The following STK3 variants were observed in gnomAD, a reference collection of about 807,000 sequenced individuals.
STK3 encodes serine/threonine kinase 3, also known as serine/threonine-protein kinase 3.
In STK3, 41 loss-of-function variants were observed where a neutral mutation model predicts 58.0. The ratio of observed to expected loss-of-function variants is 0.71; its 90% confidence interval spans 0.55 to 0.92. STK3 has a LOEUF of 0.92. Among genes scored for constraint, STK3 ranks in the 40% least tolerant of loss-of-function variants. The pLI is 0.00. For synonymous variants in STK3, 170 were observed against 191.0 expected, an observed-to-expected ratio of 0.89 and a Z score of 0.91; for missense variants, 479 against 602.7, an observed-to-expected ratio of 0.79 and a Z score of 2.15.
intron 6 of STK3, among the ~76,000 whole-genome samples, chr8:98,674,478 A>G (rs549533869): frequency 6.6e-6 from 1 of 152,312 alleles, no homozygotes; most frequent in Non-Finnish European, 1.5e-5. Flanking sequence ...AGACAAAATC[A>G]TAGGGCTAGA....
At chr8:98,590,923 CATAA>C (rs1355193221) in intron 7 of STK3, among the ~76,000 whole-genome samples, 1 of 152,152 alleles carries the variant, frequency 6.6e-6, no homozygotes, top group Non-Finnish European at 1.5e-5. Context: ...AATATTCTAT[CATAA>C]ATGTTTTACA....
intron 9 of STK3, among the ~76,000 whole-genome samples, chr8:98,540,628 G>A (rs570797923): frequency 2.0e-5 from 3 of 152,192 alleles, no homozygotes; most frequent in Admixed American, 2.0e-4. Flanking sequence ...GAAATCTTCC[G>A]GTAAACAATT....
intron 8 of STK3, among the ~76,000 whole-genome samples, chr8:98,565,379 A>C (rs1047889938): frequency 6.6e-6 from 1 of 152,180 alleles, no homozygotes; most frequent in South Asian, 2.1e-4. Flanking sequence ...AATCCCAAAG[A>C]ATCATGTTTC....
intron 1 of STK3, among the ~76,000 whole-genome samples, chr8:98,931,451 C>T (rs1026272353): frequency 6.6e-6 from 1 of 152,158 alleles, no homozygotes; most frequent in Non-Finnish European, 1.5e-5. Context: ...CCCGACCCGG[C>T]CTGCGCCAGC....
chr8:98,748,916 G>A (rs558601913), intron 4 of STK3, among the ~76,000 whole-genome samples: 5 of 151,236 alleles, frequency 3.3e-5, no homozygotes, highest in South Asian at 2.1e-4. Flanking sequence ...TTTAAGATAC[G>A]TAAATACCAT....
intron 10 of STK3, among the ~76,000 whole-genome samples, chr8:98,479,417 G>A (rs1821646757): frequency 6.7e-6 from 1 of 149,146 alleles, no homozygotes; most frequent in African/African-American, 2.5e-5. Context: ...AGTCCGGGAG[G>A]TGGAGGTTGC....
chr8:98,830,696 C>T (rs1333425768), intron 3 of STK3, among the ~76,000 whole-genome samples: 2 of 152,120 alleles, frequency 1.3e-5, no homozygotes, highest in Admixed American at 6.5e-5. Context: ...ATCGGCCAGG[C>T]GCGGTGGCTC....
intron 3 of STK3, among the ~76,000 whole-genome samples, chr8:98,759,023 A>G (rs561459543): frequency 6.6e-6 from 1 of 152,322 alleles, no homozygotes; most frequent in South Asian, 2.1e-4. Context: ...CAGACCACTC[A>G]AACTGTCTCC....
Position 98,455,937 on chromosome 8 carries a change from G to T in STK3, c.1381C>A (p.Arg461=). Residue 461 remains arginine, a synonymous_variant, in exon 11 of 11, where the codon CGG becomes AGG. Coordinates refer to ENST00000419617, the MANE Select transcript of STK3 (RefSeq NM_006281.4). ...CTCTGACGAAGTTCTTCTATCTCCC[G>T]TTCCATCATGGGGTCCAGTGCTTTT... The part of the protein sequence containing the change: ...RLKALDPMME[R]EIEELRQRYT... 1 of 1,613,050 alleles carries T rather than the reference G, an allele frequency of 6.2e-7. No homozygotes were observed. The highest frequency in any genetic ancestry group is 8.5e-7 in the Non-Finnish European group (1 of 1,179,620).
chr8:98,815,697 G>C, intron 1 of STK3, among the ~76,000 whole-genome samples: 1 of 152,090 alleles, frequency 6.6e-6, no homozygotes, highest in East Asian at 1.9e-4. Context: ...GGCCACCTTT[G>C]GAGAAAGACA....
intron 3 of STK3, among the ~76,000 whole-genome samples, chr8:98,861,506 C>T (rs999476216): frequency 2.0e-5 from 3 of 151,890 alleles, no homozygotes; most frequent in African/African-American, 7.3e-5. Context: ...CGCCACCATG[C>T]CCGGCTAATT....
At chr8:98,613,324 T>A (rs969601159) in intron 6 of STK3, among the ~76,000 whole-genome samples, 1 of 151,750 alleles carries the variant, frequency 6.6e-6, no homozygotes, top group Non-Finnish European at 1.5e-5. Flanking sequence ...AAATTACTCA[T>A]CAGACCAAGA....
chr8:98,374,422 C>G (rs188010850), intron 2 of STK3, among the ~76,000 whole-genome samples: 4 of 152,304 alleles, frequency 2.6e-5, no homozygotes, highest in Non-Finnish European at 5.9e-5. Context: ...CCCTTCCAAC[C>G]CATTTATTCT....
intron 6 of STK3, among the ~76,000 whole-genome samples, chr8:98,624,563 G>C (rs943574486): frequency 6.6e-6 from 1 of 152,136 alleles, no homozygotes; most frequent in Non-Finnish European, 1.5e-5. Context: ...TTAAAAGAAA[G>C]TGGTTCAGCC....
intron 3 of STK3, among the ~76,000 whole-genome samples, chr8:98,830,844 C>T (rs949510742): frequency 4.0e-5 from 6 of 151,882 alleles, no homozygotes; most frequent in African/African-American, 1.5e-4. Context: ...GTGGTGGGCA[C>T]CTGTACTCCC....
At chr8:98,647,641 G>A (rs938572818) in intron 6 of STK3, among the ~76,000 whole-genome samples, 16 of 152,162 alleles carry the variant, frequency 1.1e-4, no homozygotes, top group Admixed American at 9.2e-4. Context: ...AGCCTCTCAG[G>A]GTCCACAGGC....
At chr8:98,659,857 T>C (rs899117344) in intron 6 of STK3, among the ~76,000 whole-genome samples, 13 of 151,536 alleles carry the variant, frequency 8.6e-5, no homozygotes, top group Non-Finnish European at 1.2e-4. Context: ...CGGTAGGAAG[T>C]AGCTTAAAAA....
chr8:98,391,640 C>A (rs572658375), upstream of STK3: 1 of 152,306 alleles, frequency 6.6e-6, no homozygotes, highest in East Asian at 1.9e-4. Flanking sequence ...TAATGGTACA[C>A]CAAATTTGTG....
chr8:98,450,253 A>C (rs17311784), downstream of STK3, among the ~76,000 whole-genome samples: 2,725 of 152,318 alleles, frequency 0.018, 50 homozygotes, highest in South Asian at 0.078. Context: ...TCGAAGTAAC[A>C]ATCAGCTTGC....
Sources: allele counts gnomAD v4.1 joint callset (sites outside exome capture counted in the v4.1 genomes callset), GRCh38; gene constraint gnomAD v4.1.1; transcripts MANE v1.5; gene names NCBI Gene and HGNC (gene_info 2026-07-23, HGNC 2026-07-21).